The following PRKCE variants were observed in gnomAD, a reference collection of about 807,000 sequenced individuals.
PRKCE encodes protein kinase C epsilon, also known as protein kinase C epsilon type.
PRKCE carries 16 observed loss-of-function variants against 85.4 expected under a neutral mutation model. The observed-to-expected ratio is 0.19, with a 90% confidence interval of 0.13 to 0.28. The LOEUF is 0.28. Among genes scored for constraint, PRKCE ranks in the 10% least tolerant of loss-of-function variants. The pLI, the probability that PRKCE is intolerant of heterozygous loss-of-function variation, is 1.00. For synonymous variants in PRKCE, 388 were observed against 371.5 expected (o/e 1.04, Z -0.51); for missense variants, 573 against 975.2 (o/e 0.59, Z 5.49).
intron 2 of PRKCE, among the ~76,000 whole-genome samples, chr2:45,869,702 CTCTCTTTTT>C (rs1693922454): frequency 8.2e-6 from 1 of 122,584 alleles, no homozygotes. Context: ...TTGTTTCTCT[CTCTCTTTTT>C]TTTTTTTTTT....
chr2:45,854,308 A>T (rs1467135965), intron 2 of PRKCE, among the ~76,000 whole-genome samples: 1 of 152,218 alleles, frequency 6.6e-6, no homozygotes. Flanking sequence ...CTCTTGGTCC[A>T]GTGGGGAACC....
intron 2 of PRKCE, among the ~76,000 whole-genome samples, chr2:45,902,262 A>T (rs193087363): frequency 6.6e-6 from 1 of 152,318 alleles, no homozygotes; most frequent in Non-Finnish European, 1.5e-5. Context: ...CTTAGAAAAC[A>T]TCCATTGTTC....
intron 11 of PRKCE, among the ~76,000 whole-genome samples, chr2:46,098,395 C>T (rs917129282): frequency 6.6e-6 from 1 of 152,154 alleles, no homozygotes; most frequent in African/African-American, 2.4e-5. Flanking sequence ...ACAACTGGTT[C>T]TAGTACAGAG....
At chr2:45,854,306 C>G (rs1272238524) in intron 2 of PRKCE, among the ~76,000 whole-genome samples, 1 of 152,124 alleles carries the variant, frequency 6.6e-6, no homozygotes, top group Non-Finnish European at 1.5e-5. Flanking sequence ...GCCTCTTGGT[C>G]CAGTGGGGAA....
intron 1 of PRKCE, among the ~76,000 whole-genome samples, chr2:45,659,825 C>T (rs747357917): frequency 1.0e-4 from 15 of 150,666 alleles, no homozygotes; most frequent in South Asian, 8.5e-4. Context: ...GCTTCATATG[C>T]GCCTTTCCTG....
chr2:45,816,355 T>C (rs1056852995), intron 1 of PRKCE, among the ~76,000 whole-genome samples: 5 of 151,744 alleles, frequency 3.3e-5, no homozygotes, highest in African/African-American at 1.2e-4. Context: ...AGGTTTAAAG[T>C]TTTTGGAGTG....
chr2:45,796,442 TGG>T (rs1687441449), intron 1 of PRKCE, among the ~76,000 whole-genome samples: 2 of 152,242 alleles, frequency 1.3e-5, no homozygotes, highest in Non-Finnish European at 2.9e-5. Context: ...GCTTGGTGTA[TGG>T]GTGCCACATA....
At chr2:45,837,899 G>A (rs1244929815) in intron 1 of PRKCE, among the ~76,000 whole-genome samples, 1 of 152,070 alleles carries the variant, frequency 6.6e-6, no homozygotes, top group Non-Finnish European at 1.5e-5. Flanking sequence ...AACAAAACTC[G>A]CTACCTTACA....
chr2:45,944,178 C>T (rs1334200709), intron 2 of PRKCE, among the ~76,000 whole-genome samples: 1 of 152,222 alleles, frequency 6.6e-6, no homozygotes, highest in African/African-American at 2.4e-5. Context: ...GTTGGTGACT[C>T]ATTTCTTCCC....
At chr2:45,803,516 G>A (rs1688026677) in intron 1 of PRKCE, among the ~76,000 whole-genome samples, 1 of 152,196 alleles carries the variant, frequency 6.6e-6, no homozygotes, top group Non-Finnish European at 1.5e-5. Context: ...GAGACAGTGG[G>A]AAGGGTTTGC....
intron 1 of PRKCE, among the ~76,000 whole-genome samples, chr2:45,672,277 T>TCCAC (rs1191879746): frequency 6.7e-6 from 1 of 149,442 alleles, no homozygotes; most frequent in Non-Finnish European, 1.5e-5. Flanking sequence ...CATCCATCCA[T>TCCAC]CCACCCACCC....
At chr2:45,737,258 C>G (rs1388864091) in intron 1 of PRKCE, among the ~76,000 whole-genome samples, 13 of 152,194 alleles carry the variant, frequency 8.5e-5, no homozygotes. Context: ...ACCCTTGGCC[C>G]ACGTCTTGGC....
At chr2:46,073,778 C>T (rs1668278711) in intron 10 of PRKCE, 1 of 152,136 alleles carries the variant, frequency 6.6e-6, no homozygotes, top group Non-Finnish European at 1.5e-5. Context: ...ATTTACCAGG[C>T]ATGAGTCACG....
At chr2:46,061,529 A>G (rs1045111849) in intron 10 of PRKCE, among the ~76,000 whole-genome samples, 1 of 152,210 alleles carries the variant, frequency 6.6e-6, no homozygotes, top group African/African-American at 2.4e-5. Flanking sequence ...CCAATGACCT[A>G]GAGCAGTCAT....
intron 1 of PRKCE, among the ~76,000 whole-genome samples, chr2:45,733,363 G>T (rs1681755223): frequency 6.6e-6 from 1 of 152,226 alleles, no homozygotes. Context: ...AGGAGCTTGG[G>T]ATATGTGAGC....
Position 45,943,259 on chromosome 2 carries a change from A to G in PRKCE, c.413-33170A>G, listed in dbSNP as rs531782620. Among the ~76,000 whole-genome samples, 3 of 152,354 alleles carry G rather than the reference A, an allele frequency of 2.0e-5. No homozygotes were observed. The East Asian group carries it at 5.8e-4, about 29-fold the overall frequency. ...CAGACTAACATTCATTTATTCCTTT[A>G]TTTAAAAAATGATTTCGCAGTCATC... On this transcript the variant is annotated intron_variant, in intron 2 of 14. Transcript: ENST00000306156.
chr2:45,934,355 A>G (rs1699277313), intron 2 of PRKCE, among the ~76,000 whole-genome samples: 1 of 152,248 alleles, frequency 6.6e-6, no homozygotes, highest in Non-Finnish European at 1.5e-5. Context: ...AATTTCCTAT[A>G]AAATTACTGT....
chr2:46,030,569 G>A (rs1348304445), intron 10 of PRKCE, among the ~76,000 whole-genome samples: 1 of 152,130 alleles, frequency 6.6e-6, no homozygotes, highest in Admixed American at 6.5e-5. Context: ...CCCTCTTGCT[G>A]TTACTTCTGA....
chr2:45,952,402 A>G (rs1282422478), intron 2 of PRKCE, among the ~76,000 whole-genome samples: 1 of 152,202 alleles, frequency 6.6e-6, no homozygotes, highest in East Asian at 1.9e-4. Flanking sequence ...TAACACACAG[A>G]AGCACCCTGA....
Sources: allele counts gnomAD v4.1 joint callset (sites outside exome capture counted in the v4.1 genomes callset), GRCh38; gene constraint gnomAD v4.1.1; transcripts MANE v1.5; gene names NCBI Gene and HGNC (gene_info 2026-07-23, HGNC 2026-07-21).